The following RNF34 variants were observed in gnomAD, a reference collection of about 807,000 sequenced individuals.
RNF34 encodes the protein E3 ubiquitin-protein ligase RNF34.
RNF34 carries 12 observed loss-of-function variants against 37.9 expected under a neutral mutation model. That is an observed-to-expected ratio of 0.32 (90% confidence interval 0.20 to 0.51). The LOEUF is 0.51. Among genes scored for constraint, RNF34 ranks in the 20% least tolerant of loss-of-function variants. RNF34 has a pLI of 0.97. For missense variants in RNF34, 362 were observed against 472.7 expected, an observed-to-expected ratio of 0.77 and a Z score of 2.17; for synonymous variants, 155 against 177.2, an observed-to-expected ratio of 0.87 and a Z score of 1.00.
chr12:121,403,616 G>C (rs1454512814), intron 1 of RNF34, among the ~76,000 whole-genome samples: 3 of 152,108 alleles, frequency 2.0e-5, no homozygotes, highest in Admixed American at 2.0e-4. Context: ...GTTGTCCAGA[G>C]TTTGAAACAA....
intron 5 of RNF34, among the ~76,000 whole-genome samples, chr12:121,421,371 TAAA>T (rs11398833): frequency 6.3e-4 from 29 of 46,368 alleles, no homozygotes; most frequent in African/African-American, 1.6e-3. Flanking sequence ...ATCCCATCTC[TAAA>T]AAAAAAAAAA....
Position 121,423,457 on chromosome 12 carries a change from G to A in RNF34, c.1000G>A (p.Asp334Asn), listed in dbSNP as rs144819272. Residue 334 changes from aspartate to asparagine, a missense_variant, in exon 6 of 6, where the codon GAC becomes AAC. Asp to Asn is a conservative substitution (Grantham distance 23). Coordinates refer to ENST00000361234, the MANE Select transcript of RNF34 (RefSeq NM_025126.4). The surrounding 1 kb of genome is among the most constrained non-coding windows in gnomAD (Gnocchi z 4.3). ...TCGCATCTGCATGGATGCCGTCATCGACTGTGTCCTACTGGAGTGTGGGCA... is the reference window on the plus strand; with the variant it reads ...TCGCATCTGCATGGATGCCGTCATCAACTGTGTCCTACTGGAGTGTGGGCA... ...LCRICMDAVI[D>N]CVLLECGHMV... 3,102 of 1,613,656 alleles carry A rather than the reference G, an allele frequency of 1.9e-3. 2 individuals are homozygous for A. Among genetic ancestry groups the A allele is most frequent in the Non-Finnish European group, 2.4e-3 (2,876 of 1,179,804 alleles).
At chr12:121,422,078 C>T (rs1358260623) in intron 5 of RNF34, among the ~76,000 whole-genome samples, 2 of 152,190 alleles carry the variant, frequency 1.3e-5, no homozygotes, top group Non-Finnish European at 2.9e-5. Flanking sequence ...AGTCAGTTGA[C>T]TTCATAAATG....
At chr12:121,402,812 C>A (rs1555280185) in intron 1 of RNF34, 3 of 1,582,684 alleles carry the variant, frequency 1.9e-6, no homozygotes, top group Non-Finnish European at 2.6e-6. Flanking sequence ...AGGAAGGTAA[C>A]ATTTGTATCT....
At chr12:121,420,168 T>C (rs1409166444) in intron 3 of RNF34, 74 bp from the exon 4 acceptor site, 2 of 1,348,964 alleles carry the variant, frequency 1.5e-6, no homozygotes, top group Non-Finnish European at 2.1e-6. Context: ...ATGGGGAGCA[T>C]CAATGACAAG....
chr12:121,406,715 A>G (rs1337163559), intron 1 of RNF34, among the ~76,000 whole-genome samples: 1 of 152,210 alleles, frequency 6.6e-6, no homozygotes, highest in African/African-American at 2.4e-5. Flanking sequence ...TTAGACTATC[A>G]AGAACAAGTC....
chr12:121,404,477 C>G (rs567079374), intron 1 of RNF34, among the ~76,000 whole-genome samples: 202 of 128,886 alleles, frequency 1.6e-3, no homozygotes, highest in African/African-American at 5.5e-3. Context: ...TTACTGCAGT[C>G]TCCGCCTCAA....
In RNF34 at chr12:121,400,120, TCAC is replaced by T. The variant is rs200012941; in HGVS notation, c.-91_-89del. The T allele has an allele frequency of 0.013, 19,271 of 1,459,306 alleles. 167 individuals are homozygous for T. Among genetic ancestry groups the T allele is most frequent in the Non-Finnish European group, 0.016 (17,530 of 1,084,768 alleles). The allele number at this position is 1,459,306 out of a possible 1,614,324, so 90.4% of individuals were successfully genotyped here. On this transcript the variant is annotated 5_prime_UTR_variant, in exon 1 of 6. Coordinates refer to ENST00000361234, the MANE Select transcript of RNF34 (RefSeq NM_025126.4). ...TCGGTCGCCTCCCGGGGCGCGGTAA[TCAC>T]CGCCCAGAGGGAAGGAGGTCGGCAG...
In RNF34 at chr12:121,420,258, C is replaced by G; in HGVS notation, c.650C>G (p.Thr217Ser). Residue 217 changes from threonine (T) to serine (S), a missense_variant, in exon 4 of 6, where the codon ACT becomes AGT. By Grantham distance (58) the Thr-to-Ser change is moderately conservative (BLOSUM62 1). Transcript: ENST00000361234. ...GVPAQVQSEITSANTEDDDDD... is the reference protein window; with the variant it reads ...GVPAQVQSEISSANTEDDDDD... ...TAAGTGTAGGTACAAAGTGAAATCA[C>G]TTCAGCAAACACAGAAGATGATGAT... The G allele has an allele frequency of 6.2e-7, 1 of 1,606,962 alleles. No individual in the cohort carries two copies. The highest frequency in any genetic ancestry group is 1.1e-5 in the South Asian group (1 of 90,152).
At chr12:121,404,974 A>G (rs969283598) in intron 1 of RNF34, 1 of 152,210 alleles carries the variant, frequency 6.6e-6, no homozygotes, top group African/African-American at 2.4e-5. Flanking sequence ...AAGAAACAGA[A>G]CACCTTTCCT....
chr12:121,417,937 C>T lies in RNF34; in HGVS notation c.633+26C>T, dbSNP rs377533837. ...GTACGAGGGGGTAACTAATTACACCCAGGGCCCGGCACGCTTATTCTTGGC... is the reference window on the plus strand; with the variant it reads ...GTACGAGGGGGTAACTAATTACACCTAGGGCCCGGCACGCTTATTCTTGGC... On this transcript the variant is annotated intron_variant, in intron 3 of 5. Coordinates refer to ENST00000361234, the MANE Select transcript of RNF34 (RefSeq NM_025126.4). The surrounding 1 kb of genome is among the most constrained non-coding windows in gnomAD (Gnocchi z 5.0). 2.6e-5 allele frequency: 41 copies of T among 1,603,452 alleles called. No individual in the cohort carries two copies. Among genetic ancestry groups the T allele is most frequent in the Middle Eastern group, 1.7e-4 (1 of 6,002 alleles).
chr12:121,420,480 G>A (rs782545231), intron 4 of RNF34, 97 bp from the exon 5 acceptor site: 5 of 1,572,648 alleles, frequency 3.2e-6, no homozygotes, highest in Non-Finnish European at 4.4e-6. Flanking sequence ...TAGGACTGCT[G>A]AGATGGCTGG....
chr12:121,400,122 A>G lies in RNF34; in HGVS notation c.-91A>G, dbSNP rs938906445. 23 of 1,430,140 alleles carry G rather than the reference A, an allele frequency of 1.6e-5. No individual in the cohort carries two copies. The African/African-American group carries it at 2.3e-4, about 14-fold the overall frequency. The allele number at this position is 1,430,140 out of a possible 1,614,324, so 88.6% of individuals were successfully genotyped here. On this transcript the variant is annotated 5_prime_UTR_variant, in exon 1 of 6. Transcript: ENST00000361234. ...GGTCGCCTCCCGGGGCGCGGTAATC[A>G]CCGCCCAGAGGGAAGGAGGTCGGCA... is the stretch of plus-strand genomic sequence containing the variant.
chr12:121,400,143 C>G lies in RNF34; in HGVS notation c.-70C>G, dbSNP rs182031296. 7.0e-6 allele frequency: 11 copies of G among 1,563,782 alleles called. No homozygotes were observed. The Admixed American group carries it at 9.1e-5, about 13-fold the overall frequency. On this transcript the variant is annotated 5_prime_UTR_variant, in exon 1 of 6. Coordinates refer to ENST00000361234, the MANE Select transcript of RNF34 (RefSeq NM_025126.4). The stretch of plus-strand genomic sequence containing the variant: ...AATCACCGCCCAGAGGGAAGGAGGT[C>G]GGCAGTGTGAGGAGCTGCTATGGTG...
At chr12:121,421,381 A>AAG (rs1566236063) in intron 5 of RNF34, among the ~76,000 whole-genome samples, 1 of 144,510 alleles carries the variant, frequency 6.9e-6, no homozygotes, top group East Asian at 2.0e-4. Context: ...TAAAAAAAAA[A>AAG]AAAAAAAAAA....
At chr12:121,400,625 T>G (rs901253298) in intron 1 of RNF34, among the ~76,000 whole-genome samples, 23 of 152,262 alleles carry the variant, frequency 1.5e-4, no homozygotes, top group Middle Eastern at 3.4e-3. Flanking sequence ...GTTGGGGACA[T>G]CGTGGGACCG....
At chr12:121,413,931 A>C (rs560661573) in intron 1 of RNF34, among the ~76,000 whole-genome samples, 1 of 152,300 alleles carries the variant, frequency 6.6e-6, no homozygotes, top group African/African-American at 2.4e-5. Flanking sequence ...GTGAAGACTT[A>C]TAATATTGAA....
At chr12:121,422,912 C>T (rs979398465) in intron 5 of RNF34, among the ~76,000 whole-genome samples, 3 of 141,840 alleles carry the variant, frequency 2.1e-5, no homozygotes, top group African/African-American at 9.0e-5. Flanking sequence ...CCTAACTTTC[C>T]TAAGGGGGAA....
At chr12:121,404,978 C>T (rs1287283662) in intron 1 of RNF34, 1 of 152,266 alleles carries the variant, frequency 6.6e-6, no homozygotes, top group African/African-American at 2.4e-5. Context: ...AACAGAACAC[C>T]TTTCCTCTTG....
Sources: allele counts gnomAD v4.1 joint callset (sites outside exome capture counted in the v4.1 genomes callset), GRCh38; gene constraint gnomAD v4.1.1; non-coding constraint Gnocchi (gnomAD v3.1); transcripts MANE v1.5; gene names NCBI Gene and HGNC (gene_info 2026-07-23, HGNC 2026-07-21).